TACC2: variants seen among roughly 807,000 people sequenced by gnomAD.
TACC2 encodes the protein transforming acidic coiled-coil containing protein 2.
In TACC2, 137 loss-of-function variants were observed where a neutral mutation model predicts 227.3. The ratio of observed to expected loss-of-function variants is 0.60; its 90% CI spans 0.52 to 0.69. TACC2 has a LOEUF of 0.69. Among genes scored for constraint, TACC2 ranks in the 30% least tolerant of loss-of-function variants. The pLI, the probability that TACC2 is intolerant of heterozygous loss-of-function variation, is 0.00. For synonymous variants in TACC2, 1,523 were observed against 1,487.5 expected, an observed-to-expected ratio of 1.02 and a Z score of -0.55; for missense variants, 3,470 against 3,694.4, an observed-to-expected ratio of 0.94 and a Z score of 1.57.
chr10:122,066,966 C>T (rs1304409037), intron 3 of TACC2, among the ~76,000 whole-genome samples: 1 of 152,140 alleles, frequency 6.6e-6, no homozygotes, highest in Admixed American at 6.5e-5. Flanking sequence ...CAATATGCTT[C>T]CATTTCTTCT....
chr10:122,244,406 G>A (rs2096067241), intron 19 of TACC2, among the ~76,000 whole-genome samples: 1 of 152,162 alleles, frequency 6.6e-6, no homozygotes, highest in Non-Finnish European at 1.5e-5. Flanking sequence ...GTCATTCCAA[G>A]GCTTTTTTCA....
chr10:122,246,869 G>T (rs2096133852), intron 19 of TACC2: 1 of 152,344 alleles, frequency 6.6e-6, no homozygotes, highest in African/African-American at 2.4e-5. Context: ...ATGATAAGGG[G>T]TGGCTGCTGC....
chr10:122,003,748 C>T (rs1485612131), intron 1 of TACC2, among the ~76,000 whole-genome samples: 10 of 151,994 alleles, frequency 6.6e-5, no homozygotes, highest in South Asian at 2.1e-4. Flanking sequence ...CTCTGCCTCC[C>T]GGGTTCATGC....
At position 122,022,031 on chromosome 10, in the gene TACC2, TTC is replaced by T; in HGVS notation, c.33+24_33+25del. The T allele has an allele frequency of 6.2e-7, 1 of 1,614,032 alleles. No individual in the cohort carries two copies. The highest frequency in any genetic ancestry group is 8.5e-7 in the Non-Finnish European group (1 of 1,179,934). On this transcript the variant is annotated intron_variant, in intron 2 of 22. Coordinates refer to ENST00000369005, the MANE Select transcript of TACC2 (RefSeq NM_206862.4). ...GACAACCAGGTGGGTGTCAGGAAGC[TTC>T]TCTCTCGAGCTACGTGGTGCTCTTG... is the stretch of plus-strand genomic sequence containing the variant.
At chr10:122,176,827 G>A (rs911191773) in intron 7 of TACC2, among the ~76,000 whole-genome samples, 1 of 152,210 alleles carries the variant, frequency 6.6e-6, no homozygotes, top group Admixed American at 6.5e-5. Flanking sequence ...ATATGCCTGG[G>A]AGTCCCACAA....
At chr10:122,217,384 C>A (rs2095427873) in intron 11 of TACC2, among the ~76,000 whole-genome samples, 1 of 151,510 alleles carries the variant, frequency 6.6e-6, no homozygotes, top group Non-Finnish European at 1.5e-5. Flanking sequence ...ATCTCAATAT[C>A]CTTCCTCCTA....
chr10:122,029,004 T>C (rs67941138), intron 2 of TACC2, among the ~76,000 whole-genome samples: 18 of 35,092 alleles, frequency 5.1e-4, no homozygotes, highest in African/African-American at 1.5e-3. Context: ...TCCCCTCCCC[T>C]CCCCTCCCCT....
intron 7 of TACC2, among the ~76,000 whole-genome samples, chr10:122,145,193 A>G (rs180691404): frequency 4.1e-4 from 63 of 152,378 alleles, no homozygotes; most frequent in African/African-American, 1.3e-3. Context: ...CCTATGAACG[A>G]TGAAAATATA....
intron 1 of TACC2, among the ~76,000 whole-genome samples, chr10:122,014,115 A>G (rs1225004441): frequency 1.3e-5 from 2 of 152,210 alleles, no homozygotes; most frequent in Non-Finnish European, 2.9e-5. Flanking sequence ...AACAAATCCC[A>G]ATAGATCATT....
intron 16 of TACC2, 98 bp from the exon 17 acceptor site, chr10:122,237,297 A>G (rs932810613): frequency 7.0e-5 from 84 of 1,204,106 alleles, no homozygotes; most frequent in Non-Finnish European, 9.3e-5. Flanking sequence ...TTGTTTCAAA[A>G]CCATACAATT....
At chr10:122,061,351 A>C (rs1382266097) in intron 3 of TACC2, among the ~76,000 whole-genome samples, 1 of 149,974 alleles carries the variant, frequency 6.7e-6, no homozygotes, top group Non-Finnish European at 1.5e-5. Context: ...CTTTGGCTTG[A>C]GTGACTGGGC....
intron 3 of TACC2, among the ~76,000 whole-genome samples, chr10:122,065,869 C>T (rs1261603883): frequency 6.6e-6 from 1 of 151,988 alleles, no homozygotes; most frequent in Non-Finnish European, 1.5e-5. Context: ...TAAATTGAAT[C>T]CTCTATCATT....
intron 7 of TACC2, among the ~76,000 whole-genome samples, chr10:122,154,223 G>A (rs913805896): frequency 2.0e-5 from 3 of 152,216 alleles, no homozygotes; most frequent in African/African-American, 4.8e-5. Flanking sequence ...GCCTGATGCC[G>A]GGCCAGGCTC....
At chr10:121,999,346 C>T (rs1953986710) in intron 1 of TACC2, among the ~76,000 whole-genome samples, 4 of 152,184 alleles carry the variant, frequency 2.6e-5, no homozygotes, top group Non-Finnish European at 5.9e-5. Context: ...TTTGTATTCA[C>T]TTTTGGTCAT....
intron 1 of TACC2, among the ~76,000 whole-genome samples, chr10:121,996,986 A>C (rs952233275): frequency 6.6e-6 from 1 of 151,936 alleles, no homozygotes; most frequent in Non-Finnish European, 1.5e-5. Context: ...GGGAGGAGGA[A>C]CTGGAGAAGG....
intron 3 of TACC2, among the ~76,000 whole-genome samples, chr10:122,060,774 G>GTCAGGAGTT (rs1371167814): frequency 6.6e-6 from 1 of 152,230 alleles, no homozygotes; most frequent in African/African-American, 2.4e-5. Context: ...GGAGGCCAAG[G>GTCAGGAGTT]TGGGCGGATC....
intron 8 of TACC2, among the ~76,000 whole-genome samples, chr10:122,206,590 C>T (rs1370360484): frequency 6.6e-6 from 1 of 152,194 alleles, no homozygotes; most frequent in Non-Finnish European, 1.5e-5. Context: ...GCCTCCAGCA[C>T]TGTGAGAAAT....
chr10:122,052,131 T>G (rs2075769966), intron 3 of TACC2: 2 of 152,220 alleles, frequency 1.3e-5, no homozygotes, highest in African/African-American at 4.8e-5. Flanking sequence ...GACCTCTGAC[T>G]TGGCTCTGGA....
intron 19 of TACC2, 46 bp downstream of exon 19, chr10:122,242,047 T>C (rs917912369): frequency 1.0e-5 from 16 of 1,581,998 alleles, no homozygotes; most frequent in Non-Finnish European, 1.4e-5. Context: ...CCGATGTTTC[T>C]GAACTATGAG....
Sources: gnomAD v4.1 joint callset for allele counts (sites outside exome capture counted in the v4.1 genomes callset) on GRCh38, gnomAD v4.1.1 for gene constraint, MANE v1.5 for transcripts, NCBI Gene and HGNC (gene_info 2026-07-23, HGNC 2026-07-21) for gene names.